Variants in TRPM1 observed in about 807,000 individuals in gnomAD.
TRPM1 encodes the protein transient receptor potential cation channel subfamily M member 1, also known as TRPM1-203 APA Isoform, Intron 10.
In TRPM1, 113 loss-of-function variants were observed where a neutral mutation model predicts 149.4. The observed-to-expected ratio is 0.76, with a 90% CI of 0.65 to 0.88. TRPM1 has a LOEUF of 0.88. Ranked by LOEUF, TRPM1 falls within the 40% of genes least tolerant of loss-of-function variation. TRPM1 has a pLI of 0.00. For missense variants in TRPM1, 1,976 were observed against 2,038.7 expected (o/e 0.97, Z 0.59); for synonymous variants, 741 against 759.5 (o/e 0.98, Z 0.40).
chr15:31,116,572 A>C (rs1031854929), intron 1 of TRPM1, among the ~76,000 whole-genome samples: 1 of 151,686 alleles, frequency 6.6e-6, no homozygotes, highest in Non-Finnish European at 1.5e-5. Flanking sequence ...ACTGCACTCC[A>C]GCCTGGCCAA....
rs1567026745 is a variant in TRPM1, at chr15:31,062,641, TA to T, written c.1026del (p.Tyr342Ter). ...AACAGCTGATGTGATTGTGCCTTATTATAATTAAATGTTTTCTGAATGGTAA... is the reference window on the plus strand; with the variant it reads ...AACAGCTGATGTGATTGTGCCTTATTTAATTAAATGTTTTCTGAATGGTAA... ...LLVTIQKTFNYNKAQSHQLFA... is the reference protein window; with the variant it reads ...LLVTIQKTFNXNKAQSHQLFA... On this transcript the variant is annotated frameshift_variant, in exon 9 of 28. Transcript: ENST00000256552. LOFTEE classifies it high-confidence loss of function. 6.2e-7 allele frequency: 1 copy of T among 1,614,136 alleles called. No homozygotes were observed. Among genetic ancestry groups the T allele is most frequent in the South Asian group, 1.1e-5 (1 of 91,086 alleles).
intron 15 of TRPM1, 109 bp downstream of exon 15, chr15:31,047,002 G>A: frequency 1.4e-6 from 2 of 1,465,554 alleles, no homozygotes; most frequent in Non-Finnish European, 1.9e-6. Context: ...AGCTGTGCTG[G>A]GGACAGGGCG....
chr15:31,040,317 A>G lies in TRPM1; in HGVS notation c.2117T>C (p.Leu706Ser). 3 of 1,614,218 alleles carry G rather than the reference A, an allele frequency of 1.9e-6. No individual in the cohort carries two copies. Among genetic ancestry groups the G allele is most frequent in the Non-Finnish European group, 2.5e-6 (3 of 1,180,038 alleles). The change falls in exon 18 of 28, where the codon TTA becomes TCA. Residue 706 changes from leucine to serine, a missense_variant. By Grantham distance (145) the Leu-to-Ser change is moderately radical (BLOSUM62 -2). This residue lies in a region of TRPM1 where 1,332 missense variants were observed against 1,347.1 expected (regional missense o/e 0.99). Transcript: ENST00000256552. This position sits in a 1 kb window ranked among gnomAD's most constrained non-coding sequence, Gnocchi z 4.2. ...KDFGQLALELLDQSYKHDEQI... is the reference protein window; with the variant it reads ...KDFGQLALELSDQSYKHDEQI... ...CTCGTCATGCTTATAGGACTGGTCT[A>G]ATAACTCCAAAGCAAGCTGGCCGAA... is the stretch of plus-strand genomic sequence containing the variant.
intron 21 of TRPM1, 77 bp from the exon 22 acceptor site, chr15:31,033,017 A>G: frequency 1.3e-6 from 2 of 1,593,488 alleles, no homozygotes; most frequent in South Asian, 1.1e-5. Context: ...GAACAATAAG[A>G]CTGATGGAAC....
At chr15:31,128,459 G>C (rs1326822531) in intron 1 of TRPM1, among the ~76,000 whole-genome samples, 2 of 152,176 alleles carry the variant, frequency 1.3e-5, no homozygotes, top group African/African-American at 4.8e-5. Flanking sequence ...CACCTGGCCG[G>C]CTGCACAGGT....
At chr15:31,075,041 T>G (rs1330838311) in intron 3 of TRPM1, among the ~76,000 whole-genome samples, 3 of 152,216 alleles carry the variant, frequency 2.0e-5, no homozygotes, top group Non-Finnish European at 4.4e-5. Context: ...GGAGGACAGT[T>G]TGTATTATTT....
intron 1 of TRPM1, among the ~76,000 whole-genome samples, chr15:31,113,474 G>C (rs562185569): frequency 7.0e-4 from 106 of 151,328 alleles, no homozygotes; most frequent in Non-Finnish European, 1.3e-3. Context: ...AGATAAAAAT[G>C]GGTCAAACAA....
chr15:31,117,665 T>TACACAC lies in TRPM1; in HGVS notation c.55-40687_55-40682dup, dbSNP rs56686910. Among the ~76,000 whole-genome samples, 1,091 of 135,956 alleles carry TACACAC rather than the reference T, an allele frequency of 8.0e-3. 11 individuals carry two copies. Among genetic ancestry groups the TACACAC allele is most frequent in the Non-Finnish European group, 0.012 (770 of 64,524 alleles). 89.2% of individuals were successfully genotyped at this position (135,956 alleles called of 152,430 possible). A position where few individuals can be genotyped will look rare whatever the true frequency, so the allele number is the denominator to read the frequency against. On this transcript the variant is annotated intron_variant, in intron 1 of 26. Transcript: ENST00000542188. ...TCTGTCTCAAAGAAAAAAAAAAAAATACACACACACACACACACACACACA... is the reference window on the plus strand; with the variant it reads ...TCTGTCTCAAAGAAAAAAAAAAAAATACACACACACACACACACACACACACACACA...
chr15:31,087,298 G>A (rs1054405774), intron 1 of TRPM1, among the ~76,000 whole-genome samples: 3 of 131,340 alleles, frequency 2.3e-5, no homozygotes, highest in African/African-American at 8.8e-5. Context: ...AGGCTGGAGT[G>A]CAGTGGTGCA....
intron 27 of TRPM1, among the ~76,000 whole-genome samples, chr15:31,019,105 C>T (rs2032467318): frequency 6.6e-6 from 1 of 152,204 alleles, no homozygotes; most frequent in Admixed American, 6.5e-5. Flanking sequence ...AGGTCCAGTT[C>T]ATACTTGAAG....
At chr15:31,090,649 GAAAA>G (rs1179841797) in intron 1 of TRPM1, among the ~76,000 whole-genome samples, 5 of 131,618 alleles carry the variant, frequency 3.8e-5, no homozygotes, top group East Asian at 2.2e-4. Flanking sequence ...AAACAAAAAA[GAAAA>G]AAAAAAAAGA....
At chr15:31,113,660 CCCT>C (rs1325160157) in intron 1 of TRPM1, among the ~76,000 whole-genome samples, 2 of 151,990 alleles carry the variant, frequency 1.3e-5, no homozygotes, top group Non-Finnish European at 2.9e-5. Flanking sequence ...TAGTTTTTTG[CCCT>C]CCATCACCCA....
intron 23 of TRPM1, 128 bp downstream of exon 23, chr15:31,030,855 T>C (rs1346868580): frequency 4.9e-6 from 5 of 1,020,940 alleles, no homozygotes; most frequent in Non-Finnish European, 7.5e-6. Context: ...TGTAAAATAA[T>C]TTGATGCCTA....
chr15:31,039,606 A>AT (rs2033545959), intron 18 of TRPM1, among the ~76,000 whole-genome samples: 1 of 152,154 alleles, frequency 6.6e-6, no homozygotes, highest in South Asian at 2.1e-4. Context: ...TTGCAATATA[A>AT]TTTTTCCCCC....
rs185392884 is a variant in TRPM1, at chr15:31,116,068, G to A, written c.55-39084C>T. On this transcript the variant is annotated intron_variant, in intron 1 of 26. Transcript: ENST00000542188. ...CCCTAATGCCCCAGTTCTTAATACT[G>A]TCACATTTGGGGTTGCATTTCAATA... 3.2e-3 allele frequency among the ~76,000 whole-genome samples: 485 copies of A among 152,078 alleles called. 3 individuals are homozygous for A. Among genetic ancestry groups the A allele is most frequent in the Middle Eastern group, 0.01 (3 of 294 alleles).
intron 27 of TRPM1, among the ~76,000 whole-genome samples, chr15:31,004,980 T>G (rs945563221): frequency 6.6e-6 from 1 of 152,046 alleles, no homozygotes; most frequent in Non-Finnish European, 1.5e-5. Context: ...TGTGTGCCGG[T>G]AATCCCAGCT....
intron 27 of TRPM1, among the ~76,000 whole-genome samples, chr15:31,003,711 A>G (rs2031876843): frequency 6.6e-6 from 1 of 152,252 alleles, no homozygotes; most frequent in Non-Finnish European, 1.5e-5. Context: ...TCAGATTATC[A>G]GATAGTTTGC....
At chr15:31,158,456 T>G (rs550034877) in intron 1 of TRPM1, among the ~76,000 whole-genome samples, 1 of 151,902 alleles carries the variant, frequency 6.6e-6, no homozygotes, top group South Asian at 2.1e-4. Context: ...TGAAATGCTG[T>G]CTCTACTAAA....
intron 1 of TRPM1, among the ~76,000 whole-genome samples, chr15:31,150,433 C>CTTTT (rs35862690): frequency 1.8e-5 from 2 of 110,872 alleles, no homozygotes; most frequent in South Asian, 3.0e-4. Context: ...TTTTCTTTTC[C>CTTTT]TTTTTTTTTT....
Sources: allele counts gnomAD v4.1 joint callset (sites outside exome capture counted in the v4.1 genomes callset), GRCh38; gene constraint gnomAD v4.1.1; regional missense constraint gnomAD v4.1.1; non-coding constraint Gnocchi (gnomAD v3.1); transcripts MANE v1.5; gene names NCBI Gene and HGNC (gene_info 2026-07-23, HGNC 2026-07-21).